PCCA: variants seen among roughly 807,000 people sequenced by gnomAD.
PCCA encodes the protein propionyl-CoA carboxylase alpha chain, mitochondrial.
In PCCA, 74 loss-of-function variants were observed where a neutral mutation model predicts 101.3. The observed-to-expected ratio is 0.73, with a 90% CI of 0.61 to 0.89. The LOEUF is 0.89. PCCA is among the 40% of genes least tolerant of loss of function. The pLI is 0.00. For synonymous variants in PCCA, 294 were observed against 313.6 expected, an observed-to-expected ratio of 0.94 and a Z score of 0.66; for missense variants, 891 against 907.0, an observed-to-expected ratio of 0.98 and a Z score of 0.23.
At chr13:100,148,006 C>T (rs370091289) in intron 4 of PCCA, among the ~76,000 whole-genome samples, 7 of 152,112 alleles carry the variant, frequency 4.6e-5, no homozygotes, top group East Asian at 1.9e-4. Flanking sequence ...TGGACTCGAA[C>T]TCCTGGGCTT....
At chr13:100,465,854 T>C (rs924580247) in intron 21 of PCCA, among the ~76,000 whole-genome samples, 1 of 152,250 alleles carries the variant, frequency 6.6e-6, no homozygotes, top group Admixed American at 6.5e-5. Context: ...GAATACCTTA[T>C]GCGAAGAAAA....
At chr13:100,357,116 G>C (rs1465772809) in intron 18 of PCCA, among the ~76,000 whole-genome samples, 1 of 152,166 alleles carries the variant, frequency 6.6e-6, no homozygotes, top group African/African-American at 2.4e-5. Flanking sequence ...AAAGTTGCTT[G>C]TGGGGATGGT....
At chr13:100,351,273 A>G (rs570169544) in intron 18 of PCCA, among the ~76,000 whole-genome samples, 1 of 152,306 alleles carries the variant, frequency 6.6e-6, no homozygotes, top group South Asian at 2.1e-4. Context: ...GAATATTTGT[A>G]TATATTATAT....
intron 18 of PCCA, among the ~76,000 whole-genome samples, chr13:100,368,131 A>G (rs2075330289): frequency 6.6e-6 from 1 of 152,180 alleles, no homozygotes; most frequent in Non-Finnish European, 1.5e-5. Context: ...TCTCTAGGCC[A>G]CATCATGCTA....
chr13:100,121,770 G>A (rs9585351), intron 4 of PCCA, among the ~76,000 whole-genome samples: 5,492 of 152,174 alleles, frequency 0.036, 330 homozygotes, highest in African/African-American at 0.13. Flanking sequence ...TACTGTGCCC[G>A]GCCAGGATTC....
intron 19 of PCCA, among the ~76,000 whole-genome samples, chr13:100,369,136 T>C (rs187175948): frequency 1.3e-5 from 2 of 152,350 alleles, no homozygotes; most frequent in Non-Finnish European, 2.9e-5. Flanking sequence ...ATGAGTGATA[T>C]GTTTAAAACT....
At chr13:100,154,947 G>A (rs780832360) in intron 4 of PCCA, 32 bp from the exon 5 acceptor site, 12 of 1,362,578 alleles carry the variant, frequency 8.8e-6, no homozygotes, top group South Asian at 2.3e-5. Flanking sequence ...TTTGCTGGGC[G>A]CATCTGTTAA....
At chr13:100,327,601 G>C (rs1257526805) in intron 16 of PCCA, among the ~76,000 whole-genome samples, 2 of 152,208 alleles carry the variant, frequency 1.3e-5, no homozygotes, top group Non-Finnish European at 2.9e-5. Context: ...GGAGTGAGTT[G>C]TCTGAATCAG....
At chr13:100,381,459 C>T (rs964081933) in intron 19 of PCCA, among the ~76,000 whole-genome samples, 1 of 151,024 alleles carries the variant, frequency 6.6e-6, no homozygotes, top group East Asian at 1.9e-4. Context: ...TTGGTGGGAA[C>T]GTAAAAGGGT....
chr13:100,340,425 A>G (rs1489652018), intron 18 of PCCA, among the ~76,000 whole-genome samples, 166 bp downstream of exon 18: 1 of 152,210 alleles, frequency 6.6e-6, no homozygotes, highest in Non-Finnish European at 1.5e-5. Flanking sequence ...TATTGCTTAC[A>G]TTTTGTTTAA....
chr13:100,155,184 T>G, intron 5 of PCCA, 92 bp downstream of exon 5: 3 of 852,386 alleles, frequency 3.5e-6, no homozygotes, highest in Non-Finnish European at 5.9e-6. Flanking sequence ...TAGGAAAGAA[T>G]GATTGAAAAT....
At chr13:100,132,954 T>C (rs1297298690) in intron 4 of PCCA, among the ~76,000 whole-genome samples, 2 of 152,078 alleles carry the variant, frequency 1.3e-5, no homozygotes, top group East Asian at 3.9e-4. Context: ...TAACTTTTTG[T>C]ATTTTTACTA....
At chr13:100,284,474 C>T (rs2064427653) in intron 12 of PCCA, among the ~76,000 whole-genome samples, 1 of 152,194 alleles carries the variant, frequency 6.6e-6, no homozygotes, top group African/African-American at 2.4e-5. Flanking sequence ...CCCTTAAGGC[C>T]TGAAGCTCAT....
intron 5 of PCCA, 40 bp downstream of exon 5, chr13:100,155,132 T>C (rs757148763): frequency 3.2e-6 from 4 of 1,256,780 alleles, no homozygotes; most frequent in Admixed American, 3.4e-5. Flanking sequence ...CTGTTTCATA[T>C]GTAGTGAGCA....
At chr13:100,348,775 T>TTCCTTCCTTC (rs1566976345) in intron 18 of PCCA, among the ~76,000 whole-genome samples, 68 of 90,142 alleles carry the variant, frequency 7.5e-4, no homozygotes, top group South Asian at 1.5e-3. Flanking sequence ...TTTCTTTCTT[T>TTCCTTCCTTC]CTTTCTTTCT....
At chr13:100,234,023 A>G (rs1417037406) in intron 7 of PCCA, among the ~76,000 whole-genome samples, 5 of 152,182 alleles carry the variant, frequency 3.3e-5, no homozygotes, top group Non-Finnish European at 7.3e-5. Flanking sequence ...CAAGTGATGA[A>G]CTTTTTACAA....
intron 21 of PCCA, among the ~76,000 whole-genome samples, chr13:100,484,673 A>G (rs770363321): frequency 3.9e-5 from 6 of 152,258 alleles, no homozygotes. Context: ...ATATTAACAC[A>G]TATCAAATAG....
intron 16 of PCCA, among the ~76,000 whole-genome samples, chr13:100,321,209 T>G (rs2067998596): frequency 6.6e-6 from 1 of 152,212 alleles, no homozygotes; most frequent in Non-Finnish European, 1.5e-5. Flanking sequence ...GATACCTCTT[T>G]TCTTTTTCAA....
At chr13:100,367,634 GT>G (rs1211539910) in intron 18 of PCCA, among the ~76,000 whole-genome samples, 37 of 134,916 alleles carry the variant, frequency 2.7e-4, no homozygotes, top group East Asian at 8.3e-4. Flanking sequence ...AATAAGTATA[GT>G]TTTTTTTTTG....
Sources: gnomAD v4.1 joint callset for allele counts (sites outside exome capture counted in the v4.1 genomes callset) on GRCh38, gnomAD v4.1.1 for gene constraint, MANE v1.5 for transcripts, NCBI Gene and HGNC (gene_info 2026-07-23, HGNC 2026-07-21) for gene names.